The following DPF3 variants were observed in gnomAD, a reference collection of about 807,000 sequenced individuals.
The protein encoded by DPF3 is double PHD fingers 3, also known as zinc finger protein DPF3.
In DPF3, 18 loss-of-function variants were observed where a neutral mutation model predicts 56.8. That is an observed-to-expected ratio of 0.32 (90% CI 0.22 to 0.47). The LOEUF (loss-of-function observed/expected upper bound fraction) is 0.47. Among genes scored for constraint, DPF3 ranks in the 20% least tolerant of loss-of-function variants. The probability of loss-of-function intolerance (pLI) is 1.00; values close to 1 mark genes in which losing one functional copy is unlikely to be tolerated. For missense variants in DPF3, 403 were observed against 488.8 expected (o/e 0.82, Z 1.65); for synonymous variants, 188 against 180.2 (o/e 1.04, Z -0.35).
intron 8 of DPF3, among the ~76,000 whole-genome samples, chr14:72,659,037 C>A (rs1172296345): frequency 1.3e-5 from 2 of 152,112 alleles, no homozygotes; most frequent in African/African-American, 4.8e-5. Flanking sequence ...CCTGGGCCCA[C>A]CTCCTGCAGG....
intron 8 of DPF3, among the ~76,000 whole-genome samples, chr14:72,663,410 C>T (rs1886309121): frequency 6.6e-6 from 1 of 152,152 alleles, no homozygotes; most frequent in Non-Finnish European, 1.5e-5. Flanking sequence ...CCCAACCCTG[C>T]CCCAAGTGAT....
At chr14:72,839,774 CAGT>C (rs921310081) in intron 1 of DPF3, among the ~76,000 whole-genome samples, 111 of 152,318 alleles carry the variant, frequency 7.3e-4, no homozygotes, top group African/African-American at 2.5e-3. Flanking sequence ...AATGCTCACT[CAGT>C]GGTGGCTGAG....
At chr14:72,779,432 C>T (rs1476250170) in intron 1 of DPF3, among the ~76,000 whole-genome samples, 1 of 152,216 alleles carries the variant, frequency 6.6e-6, no homozygotes, top group Non-Finnish European at 1.5e-5. Context: ...CTTTCAAACT[C>T]CTCAGTGTAG....
At chr14:72,852,711 AT>A (rs1885028776) in intron 1 of DPF3, among the ~76,000 whole-genome samples, 1 of 152,044 alleles carries the variant, frequency 6.6e-6, no homozygotes, top group Non-Finnish European at 1.5e-5. Flanking sequence ...ACAGCCCACT[AT>A]TTTTTCCCCA....
intron 1 of DPF3, among the ~76,000 whole-genome samples, chr14:72,884,987 C>T (rs1414410392): frequency 8.3e-5 from 4 of 48,128 alleles, no homozygotes; most frequent in Non-Finnish European, 1.2e-4. Flanking sequence ...GGGCGTAAGG[C>T]GGGCGCCTGC....
At chr14:72,722,840 T>A (rs1282705641) in intron 5 of DPF3, among the ~76,000 whole-genome samples, 1 of 152,142 alleles carries the variant, frequency 6.6e-6, no homozygotes, top group Non-Finnish European at 1.5e-5. Flanking sequence ...ACCAGTCTCT[T>A]GTTTTTATTC....
At chr14:72,854,234 T>G (rs1267997632) in intron 1 of DPF3, among the ~76,000 whole-genome samples, 1 of 152,106 alleles carries the variant, frequency 6.6e-6, no homozygotes, top group Non-Finnish European at 1.5e-5. Flanking sequence ...GTGCATGCTA[T>G]AGTCCCAGCT....
chr14:72,705,651 G>C (rs1888373201), intron 6 of DPF3, among the ~76,000 whole-genome samples: 1 of 152,138 alleles, frequency 6.6e-6, no homozygotes, highest in Non-Finnish European at 1.5e-5. Context: ...CTCTGGGTTA[G>C]TCGAGCTGAG....
At position 72,619,386 on chromosome 14, in the gene DPF3, C is replaced by T. The variant is rs1452163500; in HGVS notation, c.1067-19G>A. 35 of 1,536,052 alleles carry T rather than the reference C, an allele frequency of 2.3e-5. No individual in the cohort carries two copies. In the East Asian group the frequency reaches 7.6e-4, roughly 33 times the overall value. On this transcript the variant is annotated intron_variant, in intron 10 of 10. Coordinates refer to ENST00000556509, the MANE Select transcript of DPF3 (RefSeq NM_001280542.3). Reference sequence around the variant, plus strand: ...CAGCTTCCTGCAAGAAATGAGACGGCTTTAGTAGCAGCCCCTCTGCTAACT... The same window carrying T: ...CAGCTTCCTGCAAGAAATGAGACGGTTTTAGTAGCAGCCCCTCTGCTAACT...
chr14:72,635,937 T>A (rs555846975), intron 8 of DPF3, among the ~76,000 whole-genome samples: 9 of 152,352 alleles, frequency 5.9e-5, no homozygotes, highest in East Asian at 1.9e-4. Flanking sequence ...GGAATCAGCA[T>A]GGTCTATTAT....
intron 1 of DPF3, among the ~76,000 whole-genome samples, chr14:72,828,326 C>T (rs1480956702): frequency 1.3e-5 from 2 of 152,082 alleles, no homozygotes; most frequent in Non-Finnish European, 2.9e-5. Context: ...GACGTGGTCC[C>T]TGTCTCCAGG....
intron 1 of DPF3, among the ~76,000 whole-genome samples, chr14:72,877,862 G>A (rs1044195093): frequency 2.0e-5 from 3 of 152,154 alleles, no homozygotes; most frequent in Non-Finnish European, 4.4e-5. Context: ...GATAAAATGA[G>A]GACAGAATAT....
chr14:72,690,430 G>A (rs1265378333), intron 7 of DPF3, among the ~76,000 whole-genome samples: 1 of 151,948 alleles, frequency 6.6e-6, no homozygotes, highest in Non-Finnish European at 1.5e-5. Flanking sequence ...GCACATGGAC[G>A]GACACATATG....
In DPF3 at chr14:72,614,060, C is replaced by T. The variant is rs555559068; in HGVS notation, c.*5237G>A. On this transcript the variant is annotated 3_prime_UTR_variant, in exon 11 of 11. Transcript: ENST00000556509. ...GGGGTTCCCAGCTCTCCAAGACCCA[C>T]CACCAGCTGCCCAAAGGCCTTGAAC... Among the ~76,000 whole-genome samples, 6 of 152,308 alleles carry T rather than the reference C, an allele frequency of 3.9e-5. No homozygotes were observed. Among genetic ancestry groups the T allele is most frequent in the Admixed American group, 2.0e-4 (3 of 15,310 alleles).
At chr14:72,721,085 T>G (rs1889150968) in intron 5 of DPF3, among the ~76,000 whole-genome samples, 2 of 152,174 alleles carry the variant, frequency 1.3e-5, no homozygotes, top group African/African-American at 4.8e-5. Context: ...TTTTGAGGAC[T>G]CAGTAGCCAC....
intron 1 of DPF3, among the ~76,000 whole-genome samples, chr14:72,827,966 A>T (rs1434298609): frequency 6.6e-6 from 1 of 152,164 alleles, no homozygotes; most frequent in Admixed American, 6.5e-5. Context: ...AAAAAAATAC[A>T]ATGTGTAATG....
intron 6 of DPF3, among the ~76,000 whole-genome samples, chr14:72,706,111 G>A (rs1480744207): frequency 6.6e-6 from 1 of 152,188 alleles, no homozygotes; most frequent in Non-Finnish European, 1.5e-5. Flanking sequence ...GGGAGTTAAA[G>A]AGTTAATATA....
intron 1 of DPF3, among the ~76,000 whole-genome samples, chr14:72,848,135 C>T (rs139316729): frequency 1.7e-4 from 26 of 152,270 alleles, no homozygotes; most frequent in Non-Finnish European, 3.1e-4. Context: ...AAATAAACTT[C>T]TGTCTTATTT....
chr14:72,678,632 C>T (rs1178728612), intron 7 of DPF3, among the ~76,000 whole-genome samples: 1 of 152,176 alleles, frequency 6.6e-6, no homozygotes, highest in Non-Finnish European at 1.5e-5. Context: ...GGAAGCTCGC[C>T]CAGACCTTGT....
Sources: gnomAD v4.1 joint callset for allele counts (sites outside exome capture counted in the v4.1 genomes callset) on GRCh38, gnomAD v4.1.1 for gene constraint, MANE v1.5 for transcripts, NCBI Gene and HGNC (gene_info 2026-07-23, HGNC 2026-07-21) for gene names.